ENTREP2: variants seen among roughly 807,000 people sequenced by gnomAD.
ENTREP2 encodes the protein endosomal transmembrane epsin interactor 2.
chr15:29,191,927 A>T, the ENTREP2 span, among the ~76,000 whole-genome samples: 2 of 152,162 alleles, frequency 1.3e-5, no homozygotes, highest in Admixed American at 1.3e-4. Flanking sequence ...GAGTTTGTTA[A>T]GTCATTCATG....
the ENTREP2 span, among the ~76,000 whole-genome samples, chr15:29,206,124 G>A: frequency 6.6e-6 from 1 of 152,174 alleles, no homozygotes; most frequent in Non-Finnish European, 1.5e-5. Context: ...ATAAACAGTA[G>A]AAATTTATTT....
At chr15:29,404,119 G>T in the ENTREP2 span, among the ~76,000 whole-genome samples, 1 of 152,098 alleles carries the variant, frequency 6.6e-6, no homozygotes, top group African/African-American at 2.4e-5. Flanking sequence ...AGGGGAGGAA[G>T]GGGGCACGAG....
chr15:29,415,438 A>G, the ENTREP2 span, among the ~76,000 whole-genome samples: 2 of 152,244 alleles, frequency 1.3e-5, no homozygotes, highest in African/African-American at 4.8e-5. Flanking sequence ...GGCCTTTGAC[A>G]GAATTCAACA....
the ENTREP2 span, among the ~76,000 whole-genome samples, chr15:29,378,639 T>A: frequency 2.0e-5 from 3 of 152,174 alleles, no homozygotes; most frequent in Admixed American, 6.6e-5. Flanking sequence ...CCTCAGCTCT[T>A]CCCTCCATCT....
At chr15:29,132,830 G>A in the ENTREP2 span, among the ~76,000 whole-genome samples, 2 of 152,128 alleles carry the variant, frequency 1.3e-5, no homozygotes, top group Admixed American at 6.5e-5. Context: ...CCACGGACAG[G>A]GGTTCCTGTC....
the ENTREP2 span, among the ~76,000 whole-genome samples, chr15:29,204,297 G>A: frequency 6.6e-6 from 1 of 152,154 alleles, no homozygotes. Context: ...AGTAGAAAGG[G>A]CTTATACAAC....
chr15:29,221,360 C>T, the ENTREP2 span, among the ~76,000 whole-genome samples: 1 of 151,562 alleles, frequency 6.6e-6, no homozygotes, highest in African/African-American at 2.4e-5. Context: ...CACCACCACG[C>T]CCAGCTAATT....
the ENTREP2 span, among the ~76,000 whole-genome samples, chr15:29,149,148 A>G: frequency 6.6e-6 from 1 of 152,184 alleles, no homozygotes; most frequent in East Asian, 1.9e-4. Context: ...TGGGATTACA[A>G]GCGTGAGCCA....
At chr15:29,651,241 T>C in the ENTREP2 span, among the ~76,000 whole-genome samples, 1 of 152,336 alleles carries the variant, frequency 6.6e-6, no homozygotes, top group South Asian at 2.1e-4. Context: ...AAAGAGAAAT[T>C]CAATAATCAT....
the ENTREP2 span, chr15:29,269,692 G>A: frequency 6.5e-7 from 1 of 1,546,828 alleles, no homozygotes; most frequent in East Asian, 2.6e-5. Context: ...CCGGTTCCTC[G>A]GTTTTTGCAA....
At chr15:29,478,806 G>A in the ENTREP2 span, among the ~76,000 whole-genome samples, 6 of 151,620 alleles carry the variant, frequency 4.0e-5, no homozygotes, top group Non-Finnish European at 8.8e-5. Flanking sequence ...TCAGGAGGCT[G>A]AGGCAGGAGA....
the ENTREP2 span, among the ~76,000 whole-genome samples, chr15:29,624,329 G>A: frequency 1.4e-5 from 2 of 140,742 alleles, no homozygotes; most frequent in East Asian, 2.4e-4. Flanking sequence ...ACACATGCAC[G>A]TGCGCACACA....
At chr15:29,558,992 T>C in the ENTREP2 span, among the ~76,000 whole-genome samples, 1 of 152,074 alleles carries the variant, frequency 6.6e-6, no homozygotes, top group African/African-American at 2.4e-5. Context: ...AGTTACGTTT[T>C]GGAGGAGTCA....
chr15:29,516,872 G>A, the ENTREP2 span, among the ~76,000 whole-genome samples: 1 of 150,842 alleles, frequency 6.6e-6, no homozygotes, highest in Non-Finnish European at 1.5e-5. Flanking sequence ...GGTGAGTTAG[G>A]CTATGTCATA....
chr15:29,139,850 G>T, the ENTREP2 span, among the ~76,000 whole-genome samples: 1 of 152,200 alleles, frequency 6.6e-6, no homozygotes, highest in Non-Finnish European at 1.5e-5. Context: ...CCATCAGTGT[G>T]TGTTTAATTA....
the ENTREP2 span, among the ~76,000 whole-genome samples, chr15:29,194,024 A>G: frequency 1.3e-5 from 2 of 152,270 alleles, no homozygotes; most frequent in South Asian, 2.1e-4. Flanking sequence ...TAGATCATGA[A>G]TATGTCAAGT....
chr15:29,530,979 C>T, the ENTREP2 span, among the ~76,000 whole-genome samples: 8 of 152,108 alleles, frequency 5.3e-5, no homozygotes, highest in Admixed American at 2.0e-4. Context: ...CATCCCAAAA[C>T]GGTGCCGCAC....
At chr15:29,219,997 G>A in the ENTREP2 span, among the ~76,000 whole-genome samples, 14 of 151,800 alleles carry the variant, frequency 9.2e-5, no homozygotes, top group East Asian at 3.9e-4. Context: ...CCACCTGTTC[G>A]CCAATAACTT....
At chr15:29,234,402 C>G in the ENTREP2 span, 1 of 1,547,474 alleles carries the variant, frequency 6.5e-7, no homozygotes, top group Non-Finnish European at 8.9e-7. Flanking sequence ...AGATGGGAAG[C>G]AATAAAATGG....
Sources: allele counts gnomAD v4.1 joint callset (sites outside exome capture counted in the v4.1 genomes callset), GRCh38; gene constraint gnomAD v4.1.1; transcripts MANE v1.5; gene names NCBI Gene and HGNC (gene_info 2026-07-23, HGNC 2026-07-21).